The following OSBP2 variants were observed in gnomAD, a reference collection of about 807,000 sequenced individuals.
The protein encoded by OSBP2 is oxysterol binding protein 2, also known as oxysterol-binding protein 2.
A neutral mutation model predicts 96.0 loss-of-function variants in OSBP2; 66 were observed. The observed-to-expected ratio is 0.69, with a 90% CI of 0.56 to 0.84. OSBP2 has a LOEUF of 0.84. Among genes scored for constraint, OSBP2 ranks in the 40% least tolerant of loss-of-function variants. OSBP2 has a pLI of 0.00. For missense variants in OSBP2, 1,038 were observed against 1,222.7 expected (o/e 0.85, Z 2.25); for synonymous variants, 525 against 520.9 (o/e 1.01, Z -0.11).
At position 30,807,523 on chromosome 22, in the gene OSBP2, G is replaced by A. The variant is rs9621101; in HGVS notation, c.854-62906G>A. On this transcript the variant is annotated intron_variant, in intron 2 of 13. Transcript: ENST00000332585. Reference sequence around the variant, plus strand: ...TTCCCTGGCCCACTACCACCTCCAGGATGAAGGCAGATGCCACAGCCGGGC... The same window carrying A: ...TTCCCTGGCCCACTACCACCTCCAGAATGAAGGCAGATGCCACAGCCGGGC... 9.5e-3 allele frequency among the ~76,000 whole-genome samples: 1,449 copies of A among 152,282 alleles called. 14 individuals carry two copies. The highest frequency in any genetic ancestry group is 0.015 in the Non-Finnish European group (1,043 of 68,026).
intron 2 of OSBP2, among the ~76,000 whole-genome samples, chr22:30,833,745 C>A (rs1047459039): frequency 6.6e-6 from 1 of 152,088 alleles, no homozygotes; most frequent in Non-Finnish European, 1.5e-5. Context: ...GAATTTTTTT[C>A]TTCTAGTGTA....
chr22:30,878,362 C>T (rs1270553847), intron 3 of OSBP2, among the ~76,000 whole-genome samples: 1 of 152,216 alleles, frequency 6.6e-6, no homozygotes, highest in Middle Eastern at 3.2e-3. Context: ...GTAGAGCTGG[C>T]GCCCGTGAGA....
chr22:30,843,797 G>C (rs1490863880), intron 2 of OSBP2, among the ~76,000 whole-genome samples: 1 of 152,140 alleles, frequency 6.6e-6, no homozygotes, highest in Admixed American at 6.5e-5. Flanking sequence ...GAGCCCAGGA[G>C]TTGGAGGTTG....
At chr22:30,866,767 G>T (rs922497862) in intron 2 of OSBP2, among the ~76,000 whole-genome samples, 197 of 152,074 alleles carry the variant, frequency 1.3e-3, no homozygotes, top group Non-Finnish European at 1.4e-3. Flanking sequence ...AATGTGTGTT[G>T]TTTCAAGCCA....
At chr22:30,788,114 A>T (rs2090620278) in intron 2 of OSBP2, among the ~76,000 whole-genome samples, 1 of 152,096 alleles carries the variant, frequency 6.6e-6, no homozygotes, top group African/African-American at 2.4e-5. Context: ...TTATTTGAAA[A>T]CTAGGGCTGT....
chr22:30,708,957 G>A (rs2089300948), intron 1 of OSBP2, among the ~76,000 whole-genome samples: 1 of 151,650 alleles, frequency 6.6e-6, no homozygotes, highest in Non-Finnish European at 1.5e-5. Flanking sequence ...AAAATTAGCC[G>A]GGTATGGTGG....
At chr22:30,830,625 C>T (rs967647556) in intron 2 of OSBP2, among the ~76,000 whole-genome samples, 40 of 152,242 alleles carry the variant, frequency 2.6e-4, no homozygotes, top group Admixed American at 1.4e-3. Flanking sequence ...AAAATCCCTT[C>T]CCCAAATCCC....
chr22:30,823,651 A>G (rs920611534), intron 2 of OSBP2, among the ~76,000 whole-genome samples: 3 of 152,264 alleles, frequency 2.0e-5, no homozygotes, highest in East Asian at 3.8e-4. Flanking sequence ...TGCAAGCCTC[A>G]GCCCAGGAAT....
chr22:30,698,660 A>C (rs190026612), intron 1 of OSBP2, among the ~76,000 whole-genome samples: 12 of 152,004 alleles, frequency 7.9e-5, no homozygotes, highest in Non-Finnish European at 1.8e-4. Context: ...GGATGGTCTC[A>C]AACTCCTGAC....
chr22:30,742,223 G>A (rs578028377), intron 2 of OSBP2, among the ~76,000 whole-genome samples: 1 of 151,334 alleles, frequency 6.6e-6, no homozygotes, highest in African/African-American at 2.4e-5. Context: ...ACGAGGTCAG[G>A]AGTTTGAGAC....
intron 2 of OSBP2, among the ~76,000 whole-genome samples, chr22:30,794,467 G>A (rs1320683078): frequency 6.6e-6 from 1 of 151,764 alleles, no homozygotes; most frequent in Non-Finnish European, 1.5e-5. Context: ...GTTTCACCAT[G>A]TTGGTCAGGC....
At chr22:30,785,524 G>A (rs377254872) in intron 2 of OSBP2, among the ~76,000 whole-genome samples, 1 of 147,924 alleles carries the variant, frequency 6.8e-6, no homozygotes, top group African/African-American at 2.5e-5. Flanking sequence ...CCAAGATCGC[G>A]CCATTGCACT....
At chr22:30,770,471 A>G (rs2090333290) in intron 2 of OSBP2, 1 of 152,192 alleles carries the variant, frequency 6.6e-6, no homozygotes, top group Non-Finnish European at 1.5e-5. Flanking sequence ...TTTATAAATT[A>G]CCCAGTCTCA....
rs191959624 is a variant in OSBP2 at position 30,906,413 on chromosome 22, C to T, written c.*74C>T. The T allele has an allele frequency of 2.7e-5, 39 of 1,454,468 alleles. No individual in the cohort carries two copies. The highest frequency in any genetic ancestry group is 6.9e-5 in the Admixed American group (3 of 43,214). 90.1% of individuals were successfully genotyped at this position (1,454,468 alleles called of 1,614,324 possible). A position where few individuals can be genotyped will look rare whatever the true frequency, so the allele number is the denominator to read the frequency against. Reference sequence around the variant, plus strand: ...GTTCATTAATGCACTCAATTTAGTACTGAATGGTCTTTCTCCCAGCCCATT... The same window carrying T: ...GTTCATTAATGCACTCAATTTAGTATTGAATGGTCTTTCTCCCAGCCCATT... On this transcript the variant is annotated 3_prime_UTR_variant, in exon 14 of 14. Transcript: ENST00000332585.
At chr22:30,823,394 A>G (rs2038328522) in intron 2 of OSBP2, among the ~76,000 whole-genome samples, 1 of 152,218 alleles carries the variant, frequency 6.6e-6, no homozygotes. Flanking sequence ...AATTTGCTGT[A>G]TTTACCTTGA....
intron 2 of OSBP2, among the ~76,000 whole-genome samples, chr22:30,843,735 G>A (rs1286145008): frequency 6.6e-6 from 1 of 152,072 alleles, no homozygotes; most frequent in East Asian, 1.9e-4. Context: ...CAGCATGGTG[G>A]TGTGTGCCTG....
rs1171643230 is a variant in OSBP2, at chr22:30,893,839, G to A, written c.2213G>A (p.Ser738Asn). The change falls in exon 12 of 14, where the codon AGC becomes AAC. Residue 738 changes from serine (S) to asparagine (N), a missense_variant. Around this residue, in one of 3 missense-constraint regions of OSBP2, gnomAD observed 737 missense variants for 913.3 expected, o/e 0.81. Coordinates refer to ENST00000332585, the MANE Select transcript of OSBP2 (RefSeq NM_030758.4). ...CAGGTGACAGGAGTGGTGAGTGACA[G>A]CCAGGGCAAGGCCCATTACGTGCTG... ...ARKVTGVVSD[S>N]QGKAHYVLSG... 5.0e-6 allele frequency: 8 copies of A among 1,589,672 alleles called. No individual in the cohort carries two copies. The highest frequency in any genetic ancestry group is 6.8e-6 in the Non-Finnish European group (8 of 1,167,904).
rs141665387 is a variant in OSBP2 at position 30,705,980 on chromosome 22, G to A, written c.644+10427G>A. Among the ~76,000 whole-genome samples the A allele has an allele frequency of 2.9e-3, 448 of 152,252 alleles. 2 individuals carry two copies. The highest frequency in any genetic ancestry group is 5.0e-3 in the Non-Finnish European group (338 of 68,030). On this transcript the variant is annotated intron_variant, in intron 1 of 13. Transcript: ENST00000332585. Reference sequence around the variant, plus strand: ...CCCTGTAGTCTTTTGGGATACAGCTGGCAAACTATGTCAGTAAAGAAAGAC... The same window carrying A: ...CCCTGTAGTCTTTTGGGATACAGCTAGCAAACTATGTCAGTAAAGAAAGAC...
chr22:30,906,176 C>T (rs2040333620), intron 13 of OSBP2, 21 bp from the exon 14 acceptor site: 1 of 1,613,828 alleles, frequency 6.2e-7, no homozygotes, highest in Non-Finnish European at 8.5e-7. Flanking sequence ...CACCCACCAG[C>T]CCACTGTGCC....
Sources: gnomAD v4.1 joint callset for allele counts (sites outside exome capture counted in the v4.1 genomes callset) on GRCh38, gnomAD v4.1.1 for gene constraint, gnomAD v4.1.1 regional missense constraint, MANE v1.5 for transcripts, NCBI Gene and HGNC (gene_info 2026-07-23, HGNC 2026-07-21) for gene names.